The following NOTCH1 variants were observed in gnomAD, a reference collection of about 807,000 sequenced individuals.
NOTCH1 encodes neurogenic locus notch homolog protein 1.
A neutral mutation model predicts 254.8 loss-of-function variants in NOTCH1; 37 were observed. The observed-to-expected ratio is 0.15, with a 90% CI of 0.11 to 0.19. The LOEUF (loss-of-function observed/expected upper bound fraction) is 0.19. Ranked by LOEUF, NOTCH1 falls within the 10% of genes least tolerant of loss-of-function variation. The pLI is 1.00. For synonymous variants in NOTCH1, 1,731 were observed against 1,618.1 expected (o/e 1.07, Z -1.68); for missense variants, 2,972 against 3,708.6 (o/e 0.80, Z 5.16).
chr9:136,545,739 C>T lies in NOTCH1; in HGVS notation c.48G>A (p.Ala16=), dbSNP rs1362439215. 3 of 1,424,406 alleles carry T rather than the reference C, an allele frequency of 2.1e-6. No homozygotes were observed. Among genetic ancestry groups the T allele is most frequent in the Non-Finnish European group, 1.8e-6 (2 of 1,093,130 alleles). 88.2% of individuals were successfully genotyped at this position (1,424,406 alleles called of 1,614,324 possible). Residue 16 remains alanine (A), a synonymous_variant, in exon 1 of 34, where the codon GCG becomes GCA. Coordinates refer to ENST00000651671, the MANE Select transcript of NOTCH1 (RefSeq NM_017617.5). This position sits in a 1 kb window ranked among gnomAD's most constrained non-coding sequence, Gnocchi z 6.8. ...GTGGGCGCCTACCTCGTGCGGCGAG[C>T]GCGGGCAGCAGCGCCAGGCAGAGCA... is the stretch of plus-strand genomic sequence containing the variant. ...APLLCLALLP[A]LAARGPRCSQ... is the part of the protein sequence containing the mutation.
chr9:136,497,682 C>A, intron 33 of NOTCH1, 124 bp from the exon 34 acceptor site: 1 of 745,402 alleles, frequency 1.3e-6, no homozygotes, highest in Non-Finnish European at 2.1e-6. Context: ...AGGCAGGCTG[C>A]TCCTCAGGAC....
chr9:136,507,045 G>A lies in NOTCH1; in HGVS notation c.3644-72C>T, dbSNP rs141503157. ...CCCTGCCGTGCCGCGTGTCCGTCCC[G>A]GAAGACGAGCGCTCAGGTCTGGGGC... is the stretch of plus-strand genomic sequence containing the variant. On this transcript the variant is annotated intron_variant, in intron 22 of 33. Transcript: ENST00000651671. 1.1e-4 allele frequency: 177 copies of A among 1,564,066 alleles called. No individual in the cohort carries two copies. In the East Asian group the frequency reaches 3.2e-3, roughly 29 times the overall value.
chr9:136,506,406 G>C lies in NOTCH1; in HGVS notation c.4014+121C>G. 2 of 728,712 alleles carry C rather than the reference G, an allele frequency of 2.7e-6. No individual in the cohort carries two copies. 45.1% of individuals were successfully genotyped at this position (728,712 alleles called of 1,614,324 possible). The stretch of plus-strand genomic sequence containing the variant: ...ACTAAAAAAAAAAAAAAGACATCAG[G>C]GTGAGGAGGAGGATGAAGGCCGGGA... On this transcript the variant is annotated intron_variant, in intron 24 of 33. Transcript: ENST00000651671. The surrounding 1 kb of genome is among the most constrained non-coding windows in gnomAD (Gnocchi z 4.5).
In NOTCH1 at chr9:136,545,895, C is replaced by T. The variant is rs1843809052; in HGVS notation, c.-109G>A. ...GGTCCCGGGGCGGCGGCGGACGGTC[C>T]CGCCCTCTCTTCCCCGGCTGGCTGG... On this transcript the variant is annotated 5_prime_UTR_variant, in exon 1 of 34. Coordinates refer to ENST00000651671, the MANE Select transcript of NOTCH1 (RefSeq NM_017617.5). The surrounding 1 kb of genome is among the most constrained non-coding windows in gnomAD (Gnocchi z 6.8). 2.3e-6 allele frequency: 1 copy of T among 429,840 alleles called. No homozygotes were observed. Among genetic ancestry groups the T allele is most frequent in the Non-Finnish European group, 3.4e-6 (1 of 297,774 alleles). 26.6% of individuals were successfully genotyped at this position (429,840 alleles called of 1,614,324 possible).
chr9:136,513,627 T>TCCGCCAGCCCATA lies in NOTCH1; in HGVS notation c.2208-91_2208-90insTATGGGCTGGCGG. On this transcript the variant is annotated intron_variant, in intron 13 of 33. Transcript: ENST00000651671. This position sits in a 1 kb window ranked among gnomAD's most constrained non-coding sequence, Gnocchi z 4.7. Reference sequence around the variant, plus strand: ...CCCGGGTCTGCAATGCCCTATGGGCTGGCGGAGGTGCCCATCCACTCAGAC... The same window carrying TCCGCCAGCCCATA: ...CCCGGGTCTGCAATGCCCTATGGGCTCCGCCAGCCCATAGGCGGAGGTGCCCATCCACTCAGAC... 1 of 1,453,252 alleles carries TCCGCCAGCCCATA rather than the reference T, an allele frequency of 6.9e-7. No homozygotes were observed. Among genetic ancestry groups the TCCGCCAGCCCATA allele is most frequent in the Non-Finnish European group, 9.5e-7 (1 of 1,054,804 alleles). The allele number at this position is 1,453,252 out of a possible 1,614,324, so 90.0% of individuals were successfully genotyped here. A position where few individuals can be genotyped will look rare whatever the true frequency, so the allele number is the denominator to read the frequency against.
At chr9:136,526,417 C>T (rs2133383236) in intron 2 of NOTCH1, among the ~76,000 whole-genome samples, 1 of 152,352 alleles carries the variant, frequency 6.6e-6, no homozygotes, top group African/African-American at 2.4e-5. Flanking sequence ...AAAGCCGGGG[C>T]TGGAGGCTCC....
At chr9:136,501,013 G>C (rs187787317) in intron 30 of NOTCH1, among the ~76,000 whole-genome samples, 166 bp from the exon 31 acceptor site, 5 of 152,342 alleles carry the variant, frequency 3.3e-5, no homozygotes, top group Non-Finnish European at 7.3e-5. Context: ...AAGTCCGCCT[G>C]GGCTGCTCAG....
chr9:136,504,441 G>A (rs1364149532), intron 26 of NOTCH1, among the ~76,000 whole-genome samples: 3 of 152,240 alleles, frequency 2.0e-5, no homozygotes, highest in East Asian at 3.8e-4. Context: ...GGAAGGCAGT[G>A]GCCCAGGAAA....
intron 2 of NOTCH1, among the ~76,000 whole-genome samples, chr9:136,531,111 G>T (rs1384502366): frequency 1.3e-5 from 2 of 152,230 alleles, no homozygotes; most frequent in African/African-American, 4.8e-5. Context: ...TAAGAATGCT[G>T]CAGGGAGGGA....
intron 2 of NOTCH1, among the ~76,000 whole-genome samples, chr9:136,527,965 A>G (rs1295693087): frequency 6.6e-6 from 1 of 152,112 alleles, no homozygotes; most frequent in Non-Finnish European, 1.5e-5. Context: ...GGGCCGCTCC[A>G]TGGAAATGCG....
intron 18 of NOTCH1, among the ~76,000 whole-genome samples, chr9:136,509,481 C>G (rs907178688): frequency 3.3e-5 from 5 of 152,200 alleles, no homozygotes; most frequent in African/African-American, 1.2e-4. Context: ...TTCTCGTTGT[C>G]TAATAGAAGG....
intron 5 of NOTCH1, among the ~76,000 whole-genome samples, chr9:136,519,067 G>A (rs984749077): frequency 2.0e-5 from 3 of 152,224 alleles, no homozygotes; most frequent in African/African-American, 7.2e-5. Context: ...CCACCAGAGG[G>A]TAATTCCCGA....
Position 136,522,844 on chromosome 9 carries a change from C to CACT in NOTCH1, c.742+3_742+5dup. 1 of 1,486,084 alleles carries CACT rather than the reference C, an allele frequency of 6.7e-7. No individual in the cohort carries two copies. 92.1% of individuals were successfully genotyped at this position (1,486,084 alleles called of 1,614,324 possible). ...CTCGTGCACCCCGGCCAGCGGGCAG[C>CACT]ACTACCTGGCAGGCAGGCACACTCG... On this transcript the variant is annotated splice_donor_region_variant and intron_variant, in intron 4 of 33. Transcript: ENST00000651671.
chr9:136,525,373 C>T (rs1014942306), intron 2 of NOTCH1, among the ~76,000 whole-genome samples: 2 of 152,228 alleles, frequency 1.3e-5, no homozygotes, highest in Admixed American at 1.3e-4. Context: ...CGGCCCCAGT[C>T]ACCTCCTGGC....
chr9:136,525,778 G>A (rs999611487), intron 2 of NOTCH1, among the ~76,000 whole-genome samples: 1 of 152,244 alleles, frequency 6.6e-6, no homozygotes, highest in African/African-American at 2.4e-5. Flanking sequence ...TGGAGGCTGG[G>A]GGTGGGGGTT....
In NOTCH1 at chr9:136,500,511, C is replaced by G. The variant is rs774639851; in HGVS notation, c.5934+41G>C. 3 of 1,604,654 alleles carry G rather than the reference C, an allele frequency of 1.9e-6. No homozygotes were observed. The African/African-American group carries it at 4.0e-5, about 21-fold the overall frequency. On this transcript the variant is annotated intron_variant, in intron 31 of 33. Transcript: ENST00000651671. ...CCACTGCCCCAGACCACCAGGCGGC[C>G]CTGAGGAGGGCAGGTGGGCACACAG... is the stretch of plus-strand genomic sequence containing the variant.
intron 15 of NOTCH1, among the ~76,000 whole-genome samples, chr9:136,512,256 A>G (rs1416208722): frequency 1.3e-5 from 2 of 152,198 alleles, no homozygotes; most frequent in African/African-American, 4.8e-5. Flanking sequence ...CAAAGAAAAC[A>G]GCGTTCTGGC....
chr9:136,503,579 C>T (rs1402903719), intron 26 of NOTCH1, among the ~76,000 whole-genome samples: 1 of 152,200 alleles, frequency 6.6e-6, no homozygotes, highest in Non-Finnish European at 1.5e-5. Context: ...CCCTGGCCCG[C>T]CCTGACACCC....
rs1280086945 is a variant in NOTCH1 at position 136,519,551 on chromosome 9, T to A, written c.757A>T (p.Asn253Tyr). The part of the protein sequence containing the change: ...CACLPGFTGQ[N>Y]CEENIDDCPG... Reference sequence around the variant, plus strand: ...CAATCGTCGATATTTTCCTCACAGTTCTGGCCGGTGAAGCCTGCCGCAAGA... The same window carrying A: ...CAATCGTCGATATTTTCCTCACAGTACTGGCCGGTGAAGCCTGCCGCAAGA... Residue 253 changes from asparagine to tyrosine, a missense_variant, in exon 5 of 34, where the codon AAC (asparagine) becomes TAC (tyrosine). Asn to Tyr is a moderately radical substitution (Grantham distance 143, BLOSUM62 -2). Around this residue, in one of 8 missense-constraint regions of NOTCH1, gnomAD observed 374 missense variants for 496.3 expected, o/e 0.75. Transcript: ENST00000651671. 6.2e-7 allele frequency: 1 copy of A among 1,612,732 alleles called. No individual in the cohort carries two copies. Among genetic ancestry groups the A allele is most frequent in the Non-Finnish European group, 8.5e-7 (1 of 1,179,930 alleles).
Sources: gnomAD v4.1 joint callset for allele counts (sites outside exome capture counted in the v4.1 genomes callset) on GRCh38, gnomAD v4.1.1 for gene constraint, gnomAD v4.1.1 regional missense constraint, Gnocchi (gnomAD v3.1) non-coding constraint, MANE v1.5 for transcripts, NCBI Gene and HGNC (gene_info 2026-07-23, HGNC 2026-07-21) for gene names.